Variants in NDUFAF2 observed in about 807,000 individuals in gnomAD.
The protein encoded by NDUFAF2 is NADH:ubiquinone oxidoreductase complex assembly factor 2.
NDUFAF2 carries 13 observed loss-of-function variants against 22.8 expected under a neutral mutation model. The ratio of observed to expected loss-of-function variants is 0.57; its 90% CI spans 0.37 to 0.91. The LOEUF is 0.91. Ranked by LOEUF, NDUFAF2 falls within the 40% of genes least tolerant of loss-of-function variation. The pLI is 0.01. For missense variants in NDUFAF2, 162 were observed against 195.2 expected (o/e 0.83, Z 1.01); for synonymous variants, 53 against 64.2 (o/e 0.83, Z 0.84).
intron 3 of NDUFAF2, among the ~76,000 whole-genome samples, chr5:61,112,509 G>A (rs536799274): frequency 6.6e-6 from 1 of 152,216 alleles, no homozygotes; most frequent in East Asian, 1.9e-4. Flanking sequence ...ACTGCACCCA[G>A]CCCTTTATCT....
chr5:61,018,743 T>C (rs1278638981), intron 1 of NDUFAF2, among the ~76,000 whole-genome samples: 1 of 152,124 alleles, frequency 6.6e-6, no homozygotes, highest in Non-Finnish European at 1.5e-5. Context: ...CCTAAGTGAC[T>C]GATAAAAGTA....
At chr5:61,065,192 A>G (rs1752213529) in intron 1 of NDUFAF2, among the ~76,000 whole-genome samples, 1 of 152,030 alleles carries the variant, frequency 6.6e-6, no homozygotes, top group Non-Finnish European at 1.5e-5. Context: ...ATTAATAAAG[A>G]CATTAAAGAA....
At chr5:61,129,442 C>A (rs1753079928) in intron 3 of NDUFAF2, among the ~76,000 whole-genome samples, 1 of 152,112 alleles carries the variant, frequency 6.6e-6, no homozygotes, top group Non-Finnish European at 1.5e-5. Flanking sequence ...CACATATACA[C>A]CATGGAATAC....
chr5:61,151,833 A>G (rs1274970314), intron 3 of NDUFAF2, among the ~76,000 whole-genome samples: 2 of 152,142 alleles, frequency 1.3e-5, no homozygotes, highest in Non-Finnish European at 1.5e-5. Flanking sequence ...AACAACAACA[A>G]CAAAACACAG....
intron 1 of NDUFAF2, among the ~76,000 whole-genome samples, chr5:60,961,526 C>T (rs539814532): frequency 3.4e-5 from 5 of 146,224 alleles, no homozygotes; most frequent in South Asian, 4.3e-4. Flanking sequence ...ACACGGGAGG[C>T]GGAACTTGCA....
At chr5:61,013,697 A>G (rs891571820) in intron 1 of NDUFAF2, among the ~76,000 whole-genome samples, 1 of 115,370 alleles carries the variant, frequency 8.7e-6, no homozygotes, top group Non-Finnish European at 1.8e-5. Context: ...TCCTAACTTT[A>G]TCTCCTTTTT....
chr5:61,083,508 T>C (rs1038226139), intron 2 of NDUFAF2, among the ~76,000 whole-genome samples: 1 of 151,964 alleles, frequency 6.6e-6, no homozygotes, highest in African/African-American at 2.4e-5. Flanking sequence ...GCACACACCA[T>C]CATGTCTGGC....
At chr5:61,016,558 A>T (rs1167375705) in intron 1 of NDUFAF2, among the ~76,000 whole-genome samples, 3 of 152,118 alleles carry the variant, frequency 2.0e-5, no homozygotes, top group Non-Finnish European at 4.4e-5. Context: ...TTTTTCACTA[A>T]TTTTGCCTTC....
rs562765068 is a variant in NDUFAF2, at chr5:60,984,439, A to C, written c.127+39057A>C. 3.3e-3 allele frequency among the ~76,000 whole-genome samples: 500 copies of C among 152,192 alleles called. 4 individuals are homozygous for C. Among genetic ancestry groups the C allele is most frequent in the African/African-American group, 0.012 (479 of 41,512 alleles). On this transcript the variant is annotated intron_variant, in intron 1 of 3. Coordinates refer to ENST00000296597, the MANE Select transcript of NDUFAF2 (RefSeq NM_174889.5). ...GCCAGAACTTCCAACACTATGTTGA[A>C]TAGGAGTGGTGAGAGAGGGCATCCC...
At chr5:60,992,958 T>G (rs1751179971) in intron 1 of NDUFAF2, among the ~76,000 whole-genome samples, 1 of 152,220 alleles carries the variant, frequency 6.6e-6, no homozygotes, top group African/African-American at 2.4e-5. Flanking sequence ...TGTGGCACCT[T>G]TGCCTGAGTT....
At chr5:61,056,782 A>T (rs187479711) in intron 1 of NDUFAF2, among the ~76,000 whole-genome samples, 13 of 148,954 alleles carry the variant, frequency 8.7e-5, no homozygotes. Context: ...CCAGCTACTC[A>T]GGAGGCTGAG....
intron 3 of NDUFAF2, 22 bp downstream of exon 3, chr5:61,099,054 A>G (rs1459539306): frequency 6.4e-7 from 1 of 1,567,516 alleles, no homozygotes; most frequent in Non-Finnish European, 8.8e-7. Context: ...CAAGGAGGAT[A>G]TCATTTAGGA....
intron 1 of NDUFAF2, among the ~76,000 whole-genome samples, chr5:61,043,944 A>T (rs1018339964): frequency 6.6e-6 from 1 of 152,050 alleles, no homozygotes; most frequent in African/African-American, 2.4e-5. Flanking sequence ...TTTTCTGTAA[A>T]GGCTATACCA....
chr5:60,988,026 A>G (rs934106401), intron 1 of NDUFAF2, among the ~76,000 whole-genome samples: 3 of 152,304 alleles, frequency 2.0e-5, no homozygotes, highest in African/African-American at 7.2e-5. Flanking sequence ...AGAAAACCCC[A>G]TACTCCTGGC....
chr5:61,013,217 G>T (rs1397466524), intron 1 of NDUFAF2, among the ~76,000 whole-genome samples: 1 of 151,828 alleles, frequency 6.6e-6, no homozygotes, highest in Admixed American at 6.6e-5. Flanking sequence ...TCAGCCCCAG[G>T]GAACAGCTGA....
chr5:60,964,065 T>A (rs1010077555), intron 1 of NDUFAF2, among the ~76,000 whole-genome samples: 4 of 152,326 alleles, frequency 2.6e-5, no homozygotes, highest in African/African-American at 9.6e-5. Flanking sequence ...AATTTTTTTT[T>A]AATTGAGAAT....
At chr5:61,090,829 T>A (rs1024284953) in intron 2 of NDUFAF2, among the ~76,000 whole-genome samples, 1 of 152,052 alleles carries the variant, frequency 6.6e-6, no homozygotes, top group Non-Finnish European at 1.5e-5. Context: ...CCTGATCCTC[T>A]CCCTCCTCCC....
intron 2 of NDUFAF2, among the ~76,000 whole-genome samples, chr5:61,092,510 G>C (rs1752581657): frequency 6.6e-6 from 1 of 152,072 alleles, no homozygotes; most frequent in South Asian, 2.1e-4. Flanking sequence ...CTCTCTGCTT[G>C]AGTTTTGTTG....
In NDUFAF2 at chr5:60,949,608, C is replaced by T. The variant is rs62372239; in HGVS notation, c.127+4226C>T. ...AGCAGCTCCAGCTTACTCTGTAAAA[C>T]GGAAATAACAGTACCTACTTAGCCT... On this transcript the variant is annotated intron_variant, in intron 1 of 3. Coordinates refer to ENST00000296597, the MANE Select transcript of NDUFAF2 (RefSeq NM_174889.5). Among the ~76,000 whole-genome samples the T allele has an allele frequency of 9.2e-4, 140 of 152,198 alleles. 2 individuals are homozygous for T. The South Asian group carries it at 0.012, about 13-fold the overall frequency.
Sources: allele counts gnomAD v4.1 joint callset (sites outside exome capture counted in the v4.1 genomes callset), GRCh38; gene constraint gnomAD v4.1.1; transcripts MANE v1.5; gene names NCBI Gene and HGNC (gene_info 2026-07-23, HGNC 2026-07-21).